The following CNOT7 variants were observed in gnomAD, a reference collection of about 807,000 sequenced individuals.
CNOT7 encodes BTG1-binding factor 1.
Under a neutral mutation model 37.1 loss-of-function variants are expected in CNOT7, and 4 were observed. The ratio of observed to expected loss-of-function variants is 0.11; its 90% CI spans 0.05 to 0.25. The LOEUF (loss-of-function observed/expected upper bound fraction) is 0.25. CNOT7 is among the 10% of genes least tolerant of loss of function. The pLI is 1.00. For synonymous variants in CNOT7, 128 were observed against 115.6 expected (o/e 1.11, Z -0.69); for missense variants, 170 against 336.2 (o/e 0.51, Z 3.87).
At chr8:17,237,852 G>A (rs1346142225) in intron 3 of CNOT7, among the ~76,000 whole-genome samples, 2 of 152,220 alleles carry the variant, frequency 1.3e-5, no homozygotes, top group African/African-American at 4.8e-5. Flanking sequence ...AATGTCTCAT[G>A]CGGATGAGTT....
intron 3 of CNOT7, chr8:17,242,556 A>G (rs573439760): frequency 6.5e-6 from 1 of 153,826 alleles, no homozygotes; most frequent in Non-Finnish European, 1.4e-5. Flanking sequence ...TGAAAGGAAA[A>G]CGTACCCAAG....
Position 17,243,381 on chromosome 8 carries a change from T to A in CNOT7, c.118-196A>T, listed in dbSNP as rs573140311. The A allele has an allele frequency of 6.9e-5, 44 of 641,972 alleles. No individual in the cohort carries two copies. The African/African-American group carries it at 8.1e-4, about 12-fold the overall frequency. 39.8% of individuals were successfully genotyped at this position (641,972 alleles called of 1,614,324 possible). A position where few individuals can be genotyped will look rare whatever the true frequency, so the allele number is the denominator to read the frequency against. On this transcript the variant is annotated intron_variant, in intron 2 of 6. Transcript: ENST00000361272. Reference sequence around the variant, plus strand: ...ACTCTATAAACTTAATAACCTTTCCTTAAATATATCCAAAAAGTTACTATA... The same window carrying A: ...ACTCTATAAACTTAATAACCTTTCCATAAATATATCCAAAAAGTTACTATA...
chr8:17,227,458 A>G lies in CNOT7; in HGVS notation c.*3262T>C, dbSNP rs1268881332. The G allele has an allele frequency of 6.6e-6, 1 of 151,830 alleles. No homozygotes were observed. The highest frequency in any genetic ancestry group is 1.5e-5 in the Non-Finnish European group (1 of 67,796). 9.4% of individuals were successfully genotyped at this position (151,830 alleles called of 1,614,324 possible). On this transcript the variant is annotated 3_prime_UTR_variant, in exon 7 of 7. Coordinates refer to ENST00000361272, the MANE Select transcript of CNOT7 (RefSeq NM_013354.7). ...TTCTTCAAACTACTGTTCTCATCAA[A>G]GGGCTGATGTCTTAATTTTCTCTGG...
rs1055942863 is a variant in CNOT7, at chr8:17,227,122, T to C, written c.*3598A>G. ...ATATTTCCTGTGAAGTACCTGCTGATGAATAATCAAGTGAGTAACTACAGG... is the reference window on the plus strand; with the variant it reads ...ATATTTCCTGTGAAGTACCTGCTGACGAATAATCAAGTGAGTAACTACAGG... On this transcript the variant is annotated 3_prime_UTR_variant, in exon 7 of 7. Coordinates refer to ENST00000361272, the MANE Select transcript of CNOT7 (RefSeq NM_013354.7). The C allele has an allele frequency of 2.0e-5, 3 of 151,828 alleles. No homozygotes were observed. Among genetic ancestry groups the C allele is most frequent in the Non-Finnish European group, 4.4e-5 (3 of 67,800 alleles). The allele number at this position is 151,828 out of a possible 1,614,324, so 9.4% of individuals were successfully genotyped here.
At chr8:17,244,476 A>C (rs559994839) in intron 2 of CNOT7, 2 of 152,482 alleles carry the variant, frequency 1.3e-5, no homozygotes, top group Non-Finnish European at 2.9e-5. Context: ...CCACGCCCTA[A>C]TGTTCTCCTG....
Position 17,229,874 on chromosome 8 carries a change from A to C in CNOT7, c.*846T>G, listed in dbSNP as rs2150965112. 1 of 152,448 alleles carries C rather than the reference A, an allele frequency of 6.6e-6. No homozygotes were observed. The highest frequency in any genetic ancestry group is 1.9e-4 in the East Asian group (1 of 5,170). 9.4% of individuals were successfully genotyped at this position (152,448 alleles called of 1,614,324 possible). A position where few individuals can be genotyped will look rare whatever the true frequency, so the allele number is the denominator to read the frequency against. ...AAAAGGGTAAATGGTGATGGAATAA[A>C]AATAAGCAGATCAAGGGAAGTGTGC... On this transcript the variant is annotated 3_prime_UTR_variant, in exon 7 of 7. Transcript: ENST00000361272.
Position 17,234,742 on chromosome 8 carries a change from G to C in CNOT7, c.592C>G (p.Leu198Val). ...TTGAGATTTTTGCAGCTCTTCATGA[G>C]GTACTTCACATCATAAATGACAGGA... ...FFPVIYDVKY[L>V]MKSCKNLKGG... Residue 198 changes from leucine to valine, a missense_variant, in exon 5 of 7, where the codon CTC becomes GTC. Physicochemically the swap from Leu to Val is conservative, Grantham distance 32. Coordinates refer to ENST00000361272, the MANE Select transcript of CNOT7 (RefSeq NM_013354.7). 6.2e-7 allele frequency: 1 copy of C among 1,613,952 alleles called. No homozygotes were observed. The highest frequency in any genetic ancestry group is 8.5e-7 in the Non-Finnish European group (1 of 1,179,936).
At chr8:17,233,158 C>T (rs1379323571) in intron 5 of CNOT7, among the ~76,000 whole-genome samples, 1 of 151,734 alleles carries the variant, frequency 6.6e-6, no homozygotes, top group African/African-American at 2.4e-5. Flanking sequence ...AAGAGAAAGA[C>T]AGTAACAGAA....
chr8:17,235,093 G>C (rs1317450455), intron 4 of CNOT7, among the ~76,000 whole-genome samples: 1 of 152,094 alleles, frequency 6.6e-6, no homozygotes, highest in Admixed American at 6.5e-5. Context: ...TATCAACACA[G>C]ACCTACACTA....
chr8:17,243,064 G>A lies in CNOT7; in HGVS notation c.239C>T (p.Thr80Ile), dbSNP rs778900473. The A allele has an allele frequency of 6.2e-7, 1 of 1,609,708 alleles. No individual in the cohort carries two copies. Among genetic ancestry groups the A allele is most frequent in the Non-Finnish European group, 8.5e-7 (1 of 1,178,610 alleles). Residue 80 changes from threonine to isoleucine, a missense_variant, in exon 3 of 7, where the codon ACA becomes ATA. Thr to Ile is a moderately conservative substitution (Grantham distance 89, BLOSUM62 -1). Transcript: ENST00000361272. ...GTATTCTCCTTGCTCATTCATAAATGTCAGTCCTAGCTGAATTATCTTTAA... is the reference window on the plus strand; with the variant it reads ...GTATTCTCCTTGCTCATTCATAAATATCAGTCCTAGCTGAATTATCTTTAA... ...DLLKIIQLGL[T>I]FMNEQGEYPP... is the part of the protein sequence containing the mutation.
intron 1 of CNOT7, chr8:17,246,343 A>G (rs558641335): frequency 1.6e-4 from 24 of 152,436 alleles, no homozygotes; most frequent in African/African-American, 4.1e-4. Flanking sequence ...GAAGGTGCTG[A>G]TAACACTGAC....
chr8:17,244,954 C>T (rs997583032), intron 2 of CNOT7, 82 bp downstream of exon 2: 2 of 1,156,292 alleles, frequency 1.7e-6, no homozygotes, highest in Non-Finnish European at 1.2e-6. Flanking sequence ...AAAATATCAA[C>T]CAAAAGGGTT....
rs541376203 is a variant in CNOT7, at chr8:17,231,644, CTT to C, written c.729+781_729+782del. On this transcript the variant is annotated intron_variant, in intron 6 of 6. Coordinates refer to ENST00000361272, the MANE Select transcript of CNOT7 (RefSeq NM_013354.7). ...CAGCGAATTTTTCCAAAAGGGAAAA[CTT>C]ATAGTCAAGAAAAACCTCACTTGTT... 8.1e-6 allele frequency: 8 copies of C among 985,330 alleles called. No homozygotes were observed. In the African/African-American group the frequency reaches 1.0e-4, roughly 13 times the overall value. 61.0% of individuals were successfully genotyped at this position (985,330 alleles called of 1,614,324 possible). A position where few individuals can be genotyped will look rare whatever the true frequency, so the allele number is the denominator to read the frequency against.
In CNOT7 at chr8:17,230,616, G is replaced by C. The variant is rs1195566635; in HGVS notation, c.*104C>G. 34 of 935,242 alleles carry C rather than the reference G, an allele frequency of 3.6e-5. No homozygotes were observed. Among genetic ancestry groups the C allele is most frequent in the East Asian group, 1.1e-4 (4 of 35,920 alleles). 57.9% of individuals were successfully genotyped at this position (935,242 alleles called of 1,614,324 possible). ...CAGACAATAAAATGGGCCATGAAAG[G>C]GGGGGGAAAGGTACTGTCTATTGTT... On this transcript the variant is annotated 3_prime_UTR_variant, in exon 7 of 7. Transcript: ENST00000361272.
intron 3 of CNOT7, among the ~76,000 whole-genome samples, chr8:17,240,666 T>C (rs1810039588): frequency 6.6e-6 from 1 of 152,200 alleles, no homozygotes; most frequent in South Asian, 2.1e-4. Context: ...CACAATAGTA[T>C]CTAATTTAAA....
At chr8:17,240,713 T>G (rs1434701671) in intron 3 of CNOT7, among the ~76,000 whole-genome samples, 10 of 152,298 alleles carry the variant, frequency 6.6e-5, no homozygotes, top group East Asian at 5.8e-4. Context: ...AAAGTTAACA[T>G]GGAACAAATG....
chr8:17,234,476 G>A (rs891343023), intron 5 of CNOT7: 15 of 451,742 alleles, frequency 3.3e-5, no homozygotes, highest in Middle Eastern at 5.3e-4. Flanking sequence ...GACAAGAACC[G>A]GACCTAAGCC....
intron 5 of CNOT7, among the ~76,000 whole-genome samples, chr8:17,233,182 G>A (rs1158236070): frequency 2.6e-5 from 4 of 152,146 alleles, no homozygotes; most frequent in Admixed American, 6.5e-5. Flanking sequence ...AAGAAAGTGG[G>A]AGGACAGGCA....
chr8:17,246,275 G>A (rs1050743707), intron 1 of CNOT7: 2 of 152,274 alleles, frequency 1.3e-5, no homozygotes, highest in African/African-American at 4.8e-5. Flanking sequence ...GAAACGAGAG[G>A]ACGGCACCGA....
Sources: gnomAD v4.1 joint callset for allele counts (sites outside exome capture counted in the v4.1 genomes callset) on GRCh38, gnomAD v4.1.1 for gene constraint, MANE v1.5 for transcripts, NCBI Gene and HGNC (gene_info 2026-07-23, HGNC 2026-07-21) for gene names.